Variants in MYO1B observed in about 807,000 individuals in gnomAD.
MYO1B encodes myosin IB.
A neutral mutation model predicts 159.7 loss-of-function variants in MYO1B; 72 were observed. The observed-to-expected ratio is 0.45, with a 90% confidence interval of 0.37 to 0.55. The LOEUF (loss-of-function observed/expected upper bound fraction) is 0.55, where lower values mean the gene tolerates loss of function less well. Ranked by LOEUF, MYO1B falls within the 20% of genes least tolerant of loss-of-function variation. The pLI is 0.00. For synonymous variants in MYO1B, 468 were observed against 473.8 expected, an observed-to-expected ratio of 0.99 and a Z score of 0.16; for missense variants, 1,062 against 1,364.8, an observed-to-expected ratio of 0.78 and a Z score of 3.50.
chr2:191,272,700 C>T (rs1201394193), intron 1 of MYO1B, among the ~76,000 whole-genome samples: 1 of 152,180 alleles, frequency 6.6e-6, no homozygotes, highest in Non-Finnish European at 1.5e-5. Flanking sequence ...AATAACCAAC[C>T]CATACTCTGG....
At chr2:191,353,483 T>A (rs1404499956) in intron 7 of MYO1B, among the ~76,000 whole-genome samples, 3 of 152,228 alleles carry the variant, frequency 2.0e-5, no homozygotes, top group Non-Finnish European at 4.4e-5. Flanking sequence ...ATTTCAGATG[T>A]GCATACACCT....
chr2:191,341,698 G>A, intron 5 of MYO1B, 133 bp downstream of exon 5: 1 of 619,274 alleles, frequency 1.6e-6, no homozygotes, highest in Non-Finnish European at 2.8e-6. Context: ...GCCAAGACCT[G>A]CTGAGCAAAT....
chr2:191,386,172 A>G (rs1222615611), intron 16 of MYO1B, 88 bp downstream of exon 16: 6 of 1,255,870 alleles, frequency 4.8e-6, no homozygotes, highest in African/African-American at 1.5e-5. Context: ...TCGAAACCCC[A>G]TTAACTTGTG....
At chr2:191,420,733 G>A (rs1439610596) in intron 30 of MYO1B, among the ~76,000 whole-genome samples, 2 of 152,152 alleles carry the variant, frequency 1.3e-5, no homozygotes, top group Non-Finnish European at 2.9e-5. Context: ...ATATATGTGT[G>A]TGTATATACA....
intron 19 of MYO1B, 21 bp downstream of exon 19, chr2:191,392,222 C>G (rs773503838): frequency 6.8e-5 from 104 of 1,538,762 alleles, no homozygotes; most frequent in Non-Finnish European, 8.3e-5. Flanking sequence ...AAAACCTTTA[C>G]ACTCTGAACT....
intron 3 of MYO1B, among the ~76,000 whole-genome samples, chr2:191,319,672 A>C (rs1690575859): frequency 6.6e-6 from 1 of 152,158 alleles, no homozygotes; most frequent in African/African-American, 2.4e-5. Context: ...ACTGCCCCCA[A>C]AATCCTTGGA....
chr2:191,303,871 T>C (rs1294291318), intron 3 of MYO1B, among the ~76,000 whole-genome samples: 1 of 152,218 alleles, frequency 6.6e-6, no homozygotes, highest in Non-Finnish European at 1.5e-5. Flanking sequence ...GAGCTTTGTT[T>C]GCTCTCCAGT....
intron 2 of MYO1B, 116 bp downstream of exon 2, chr2:191,277,146 T>G (rs1038163718): frequency 7.8e-7 from 1 of 1,279,252 alleles, no homozygotes; most frequent in Admixed American, 2.3e-5. Flanking sequence ...TCCAGCAGTA[T>G]TTGCTTTATA....
chr2:191,298,688 G>A (rs1291969290), intron 3 of MYO1B, among the ~76,000 whole-genome samples: 1 of 152,076 alleles, frequency 6.6e-6, no homozygotes, highest in Non-Finnish European at 1.5e-5. Context: ...AAGTATTTAT[G>A]GCTAATATTT....
intron 1 of MYO1B, among the ~76,000 whole-genome samples, chr2:191,250,662 AG>A (rs1403306653): frequency 6.6e-6 from 1 of 152,204 alleles, no homozygotes; most frequent in East Asian, 1.9e-4. Flanking sequence ...GCTTTGTGCT[AG>A]GCCTCATGCT....
At chr2:191,405,942 T>G (rs1696891882) in intron 24 of MYO1B, among the ~76,000 whole-genome samples, 1 of 152,268 alleles carries the variant, frequency 6.6e-6, no homozygotes, top group African/African-American at 2.4e-5. Flanking sequence ...AGCCAGACAT[T>G]AGCTTTTCCT....
intron 3 of MYO1B, among the ~76,000 whole-genome samples, chr2:191,317,511 G>T (rs897222650): frequency 6.6e-6 from 1 of 152,126 alleles, no homozygotes; most frequent in Non-Finnish European, 1.5e-5. Flanking sequence ...AAGTTGTAGG[G>T]TACATGTGCA....
intron 3 of MYO1B, among the ~76,000 whole-genome samples, chr2:191,305,455 C>A (rs1376796548): frequency 6.6e-6 from 1 of 152,198 alleles, no homozygotes; most frequent in African/African-American, 2.4e-5. Flanking sequence ...GGGGAACAGG[C>A]CCAGGCGTAC....
intron 1 of MYO1B, among the ~76,000 whole-genome samples, chr2:191,267,187 G>A (rs1020294450): frequency 1.3e-5 from 2 of 152,044 alleles, no homozygotes; most frequent in African/African-American, 2.4e-5. Flanking sequence ...TTTAAGGTTG[G>A]AGTCAGGTAT....
chr2:191,279,349 G>A (rs1574324604), intron 2 of MYO1B, among the ~76,000 whole-genome samples: 1 of 151,996 alleles, frequency 6.6e-6, no homozygotes, highest in African/African-American at 2.4e-5. Flanking sequence ...TGTGTATGGG[G>A]GTTTACGAAT....
intron 4 of MYO1B, among the ~76,000 whole-genome samples, chr2:191,335,141 C>T (rs1376423407): frequency 1.3e-5 from 2 of 152,126 alleles, no homozygotes; most frequent in Non-Finnish European, 2.9e-5. Context: ...ACGCCTGGAG[C>T]CGGGAGGTGG....
chr2:191,415,081 C>T (rs1397676787), intron 29 of MYO1B, among the ~76,000 whole-genome samples: 1 of 152,190 alleles, frequency 6.6e-6, no homozygotes, highest in East Asian at 1.9e-4. Flanking sequence ...ACCAGGACTC[C>T]TGGCTTGGAT....
At chr2:191,409,679 TTCTC>T (rs771710453) in intron 26 of MYO1B, among the ~76,000 whole-genome samples, 1 of 152,156 alleles carries the variant, frequency 6.6e-6, no homozygotes, top group Non-Finnish European at 1.5e-5. Context: ...TAGTAACACA[TTCTC>T]TATCTAAATT....
At chr2:191,379,834 T>C (rs1694936594) in intron 13 of MYO1B, among the ~76,000 whole-genome samples, 1 of 152,188 alleles carries the variant, frequency 6.6e-6, no homozygotes, top group African/African-American at 2.4e-5. Flanking sequence ...TTATGCTGAG[T>C]ATAATAATAA....
Sources: gnomAD v4.1 joint callset for allele counts (sites outside exome capture counted in the v4.1 genomes callset) on GRCh38, gnomAD v4.1.1 for gene constraint, MANE v1.5 for transcripts, NCBI Gene and HGNC (gene_info 2026-07-23, HGNC 2026-07-21) for gene names.